The following CTNNA3 variants were observed in gnomAD, a reference collection of about 807,000 sequenced individuals.
The protein encoded by CTNNA3 is catenin alpha-3.
Under a neutral mutation model 95.7 loss-of-function variants are expected in CTNNA3, and 76 were observed. The observed-to-expected ratio is 0.79, with a 90% CI of 0.66 to 0.96. The LOEUF (loss-of-function observed/expected upper bound fraction) is 0.96. Ranked by LOEUF, CTNNA3 falls within the 40% of genes least tolerant of loss-of-function variation. The pLI is 0.00. For synonymous variants in CTNNA3, 431 were observed against 374.4 expected, an observed-to-expected ratio of 1.15 and a Z score of -1.74; for missense variants, 1,191 against 1,089.8, an observed-to-expected ratio of 1.09 and a Z score of -1.31.
At chr10:67,312,635 T>C (rs1840859606) in intron 5 of CTNNA3, among the ~76,000 whole-genome samples, 1 of 152,140 alleles carries the variant, frequency 6.6e-6, no homozygotes, top group African/African-American at 2.4e-5. Context: ...GCCTTAGAAG[T>C]CTGAGGACGA....
chr10:66,686,690 T>C (rs1388806407), intron 9 of CTNNA3, among the ~76,000 whole-genome samples: 3 of 152,072 alleles, frequency 2.0e-5, no homozygotes, highest in Non-Finnish European at 4.4e-5. Context: ...ATGAGGTAAA[T>C]GGAAAGAATG....
intron 7 of CTNNA3, among the ~76,000 whole-genome samples, chr10:67,077,162 C>A (rs1405888221): frequency 6.6e-6 from 1 of 152,194 alleles, no homozygotes; most frequent in East Asian, 1.9e-4. Context: ...TGCATCCACA[C>A]TGCCATCTTG....
At position 66,303,021 on chromosome 10, in the gene CTNNA3, T is replaced by C. The variant is rs73319954; in HGVS notation, c.1733-22400A>G. On this transcript the variant is annotated intron_variant, in intron 12 of 17. Transcript: ENST00000433211. ...ATCAAGTAGGAATTTGTGACATAAT[T>C]TCTTACTCAAACTAGGAATAAAAGG... Among the ~76,000 whole-genome samples, 1,367 of 152,238 alleles carry C rather than the reference T, an allele frequency of 9.0e-3. 23 individuals carry two copies. Among genetic ancestry groups the C allele is most frequent in the African/African-American group, 0.031 (1,283 of 41,554 alleles).
rs980346152 is a variant in CTNNA3 at position 66,289,149 on chromosome 10, GTTAA to G, written c.1733-8532_1733-8529del. Among the ~76,000 whole-genome samples, 143 of 151,846 alleles carry G rather than the reference GTTAA, an allele frequency of 9.4e-4. 1 individual carries two copies. The highest frequency in any genetic ancestry group is 3.3e-3 in the African/African-American group (135 of 41,452). On this transcript the variant is annotated intron_variant, in intron 12 of 17. Transcript: ENST00000433211. ...TTGTTACTTTCATTCTAACAAAACT[GTTAA>G]TTAATTTTAAGGAGTTGTAATACTA...
chr10:66,809,371 T>C (rs1841785136), intron 7 of CTNNA3, among the ~76,000 whole-genome samples: 1 of 152,206 alleles, frequency 6.6e-6, no homozygotes, highest in African/African-American at 2.4e-5. Context: ...TACATCATTT[T>C]TACTAAAAGT....
At chr10:67,252,348 C>A (rs775446297) in intron 5 of CTNNA3, among the ~76,000 whole-genome samples, 2 of 152,078 alleles carry the variant, frequency 1.3e-5, no homozygotes, top group African/African-American at 4.8e-5. Flanking sequence ...AAAAGATATG[C>A]TCCAAGACCC....
At position 67,111,047 on chromosome 10, in the gene CTNNA3, T is replaced by C. The variant is rs1327183493; in HGVS notation, c.1047+69270A>G. ...AAGAACAGTTAGAGTTGCAGGGTCC[T>C]AAATCAACCACAGGGAGAATAATAT... On this transcript the variant is annotated intron_variant, in intron 7 of 17. Coordinates refer to ENST00000433211, the MANE Select transcript of CTNNA3 (RefSeq NM_013266.4). 2.6e-5 allele frequency among the ~76,000 whole-genome samples: 4 copies of C among 152,170 alleles called. No homozygotes were observed. In the East Asian group the frequency reaches 7.7e-4, roughly 29 times the overall value.
chr10:67,722,005 C>T (rs1841182181), intron 1 of CTNNA3, among the ~76,000 whole-genome samples: 1 of 152,008 alleles, frequency 6.6e-6, no homozygotes, highest in South Asian at 2.1e-4. Flanking sequence ...GTTGGAAATG[C>T]AGAAATCACC....
intron 13 of CTNNA3, among the ~76,000 whole-genome samples, chr10:66,227,279 T>C (rs1021920415): frequency 4.6e-5 from 7 of 152,178 alleles, no homozygotes; most frequent in African/African-American, 1.2e-4. Flanking sequence ...AAGGAAAAGC[T>C]TTCAGTTTTC....
intron 9 of CTNNA3, among the ~76,000 whole-genome samples, chr10:66,633,297 AAAT>A (rs543256615): frequency 8.3e-4 from 127 of 152,312 alleles, no homozygotes; most frequent in African/African-American, 3.0e-3. Flanking sequence ...TCTGTAAAAA[AAAT>A]AAAATGTTAT....
chr10:65,944,900 CATCT>C (rs1445913469), intron 17 of CTNNA3, among the ~76,000 whole-genome samples: 38 of 111,964 alleles, frequency 3.4e-4, no homozygotes, highest in East Asian at 1.3e-3. Context: ...ATCTATCTAT[CATCT>C]ATCTATCATC....
intron 1 of CTNNA3, among the ~76,000 whole-genome samples, chr10:67,748,450 CA>C (rs1564845787): frequency 1.3e-5 from 2 of 152,186 alleles, no homozygotes; most frequent in Admixed American, 6.5e-5. Flanking sequence ...GGCCAATATT[CA>C]ACATTCTTAA....
intron 5 of CTNNA3, among the ~76,000 whole-genome samples, chr10:67,489,805 T>TATATATAC (rs927605119): frequency 6.7e-6 from 1 of 148,968 alleles, no homozygotes; most frequent in African/African-American, 2.5e-5. Context: ...TATATATATA[T>TATATATAC]ACACACATTA....
At chr10:66,969,352 G>A (rs1192232868) in intron 7 of CTNNA3, among the ~76,000 whole-genome samples, 1 of 151,956 alleles carries the variant, frequency 6.6e-6, no homozygotes, top group Non-Finnish European at 1.5e-5. Flanking sequence ...AAAATCATGA[G>A]TTTTAATGGC....
intron 14 of CTNNA3, among the ~76,000 whole-genome samples, chr10:66,082,136 A>G (rs1464866682): frequency 6.6e-6 from 1 of 151,950 alleles, no homozygotes; most frequent in African/African-American, 2.4e-5. Flanking sequence ...AAATAAAAAT[A>G]AACATAAAAA....
intron 13 of CTNNA3, among the ~76,000 whole-genome samples, chr10:66,141,936 A>G (rs2133880979): frequency 6.6e-6 from 1 of 152,208 alleles, no homozygotes; most frequent in South Asian, 2.1e-4. Context: ...TTTCGCAATT[A>G]TTGTCTCCAT....
chr10:66,432,764 C>T (rs1243103327), intron 11 of CTNNA3, among the ~76,000 whole-genome samples: 1 of 151,994 alleles, frequency 6.6e-6, no homozygotes, highest in Admixed American at 6.6e-5. Context: ...ATCAACTCAT[C>T]ATCTACATCA....
Position 65,913,423 on chromosome 10 carries a change from G to A in CTNNA3, c.*6907C>T, listed in dbSNP as rs896385545. On this transcript the variant is annotated 3_prime_UTR_variant, in exon 18 of 18. Coordinates refer to ENST00000433211, the MANE Select transcript of CTNNA3 (RefSeq NM_013266.4). Reference sequence around the variant, plus strand: ...TCAGGAACTTGTTAGTCACGGATATGGAGGAGAAATTATTATGCTACCATT... The same window carrying A: ...TCAGGAACTTGTTAGTCACGGATATAGAGGAGAAATTATTATGCTACCATT... The A allele has an allele frequency of 6.6e-6, 1 of 152,050 alleles. No individual in the cohort carries two copies. The highest frequency in any genetic ancestry group is 1.5e-5 in the Non-Finnish European group (1 of 68,012). 9.4% of individuals were successfully genotyped at this position (152,050 alleles called of 1,614,324 possible).
At chr10:67,258,821 AAT>A (rs1866463925) in intron 5 of CTNNA3, among the ~76,000 whole-genome samples, 1 of 152,248 alleles carries the variant, frequency 6.6e-6, no homozygotes, top group Middle Eastern at 3.4e-3. Flanking sequence ...TTCCCTCAAG[AAT>A]ATGTTTGTCC....
Sources: allele counts gnomAD v4.1 joint callset (sites outside exome capture counted in the v4.1 genomes callset), GRCh38; gene constraint gnomAD v4.1.1; transcripts MANE v1.5; gene names NCBI Gene and HGNC (gene_info 2026-07-23, HGNC 2026-07-21).